The following ABHD12 variants were observed in gnomAD, a reference collection of about 807,000 sequenced individuals.
ABHD12 encodes abhydrolase domain containing 12, lysophospholipase, also known as lysophosphatidylserine lipase ABHD12.
In ABHD12, 43 loss-of-function variants were observed where a neutral mutation model predicts 58.3. The ratio of observed to expected loss-of-function variants is 0.74; its 90% CI spans 0.58 to 0.95. The LOEUF (loss-of-function observed/expected upper bound fraction) is 0.95, where lower values mean the gene tolerates loss of function less well. Among genes scored for constraint, ABHD12 ranks in the 40% least tolerant of loss-of-function variants. ABHD12 has a pLI of 0.00. For missense variants in ABHD12, 539 were observed against 537.2 expected (o/e 1.00, Z -0.03); for synonymous variants, 219 against 211.2 (o/e 1.04, Z -0.32).
In ABHD12 at chr20:25,390,755, G is replaced by A; in HGVS notation, c.-52C>T. 2.1e-6 allele frequency: 1 copy of A among 479,132 alleles called. No individual in the cohort carries two copies. The highest frequency in any genetic ancestry group is 2.9e-6 in the Non-Finnish European group (1 of 342,726). 29.7% of individuals were successfully genotyped at this position (479,132 alleles called of 1,614,324 possible). A position where few individuals can be genotyped will look rare whatever the true frequency, so the allele number is the denominator to read the frequency against. On this transcript the variant is annotated 5_prime_UTR_variant, in exon 1 of 13. Transcript: ENST00000339157. Reference sequence around the variant, plus strand: ...ACGGCGCCCGCTGGCCTGCGCCGCAGTGCCGCCGCTCACAGCCGCCGCCAC... The same window carrying A: ...ACGGCGCCCGCTGGCCTGCGCCGCAATGCCGCCGCTCACAGCCGCCGCCAC...
chr20:25,312,595 C>T (rs1457474396), intron 6 of ABHD12, among the ~76,000 whole-genome samples: 5 of 152,208 alleles, frequency 3.3e-5, no homozygotes, highest in Admixed American at 2.0e-4. Context: ...TCTGCCCGGC[C>T]GCCACCCCGT....
chr20:25,321,554 A>T (rs1315367932), intron 3 of ABHD12, among the ~76,000 whole-genome samples: 1 of 152,274 alleles, frequency 6.6e-6, no homozygotes, highest in Non-Finnish European at 1.5e-5. Context: ...ACCCACCAAC[A>T]CACAGCAACA....
At position 25,307,949 on chromosome 20, in the gene ABHD12, A is replaced by C; in HGVS notation, c.867+17T>G. On this transcript the variant is annotated intron_variant, in intron 9 of 12. Transcript: ENST00000339157. ...CTTAATAATGAAAAGTTAATTTTTA[A>C]TAAAATCTGTACTTGCCACTGAAAA... 6.9e-7 allele frequency: 1 copy of C among 1,454,040 alleles called. No individual in the cohort carries two copies. The highest frequency in any genetic ancestry group is 1.2e-5 in the South Asian group (1 of 84,538). 90.1% of individuals were successfully genotyped at this position (1,454,040 alleles called of 1,614,324 possible).
At chr20:25,350,858 G>C (rs1049466633) in intron 1 of ABHD12, among the ~76,000 whole-genome samples, 3 of 151,890 alleles carry the variant, frequency 2.0e-5, no homozygotes, top group Non-Finnish European at 4.4e-5. Context: ...CTCCTGCTCT[G>C]GGAAGATCTC....
At chr20:25,363,870 AAAC>A (rs2146092575) in intron 1 of ABHD12, among the ~76,000 whole-genome samples, 1 of 152,344 alleles carries the variant, frequency 6.6e-6, no homozygotes, top group Admixed American at 6.5e-5. Flanking sequence ...TGTCTCAAAA[AAAC>A]AACAAAAAAA....
intron 3 of ABHD12, among the ~76,000 whole-genome samples, chr20:25,322,552 G>GT (rs1409160934): frequency 6.7e-6 from 1 of 149,914 alleles, no homozygotes; most frequent in Non-Finnish European, 1.5e-5. Context: ...GCTAATTTTT[G>GT]TATTTTTTTT....
chr20:25,309,575 C>T lies in ABHD12; in HGVS notation c.620G>A (p.Gly207Asp). The T allele has an allele frequency of 6.2e-7, 1 of 1,614,100 alleles. No homozygotes were observed. The highest frequency in any genetic ancestry group is 8.5e-7 in the Non-Finnish European group (1 of 1,179,980). The change falls in exon 7 of 13, where the codon GGT (glycine) becomes GAT (aspartate). Residue 207 changes from glycine to aspartate, a missense_variant and splice_region_variant. By Grantham distance (94) the Gly-to-Asp change is moderately conservative (BLOSUM62 -1). Transcript: ENST00000339157. Reference protein sequence around the residue: ...GYHVVTFDYRGWGDSVGTPSE... With the variant: ...GYHVVTFDYRDWGDSVGTPSE... Reference sequence around the variant, plus strand: ...TGGCGTTCCCACTGAGTCACCCCAACCTGGGAGGGAGAAACGGCAGGACGG... The same window carrying T: ...TGGCGTTCCCACTGAGTCACCCCAATCTGGGAGGGAGAAACGGCAGGACGG...
At chr20:25,347,904 T>C in intron 1 of ABHD12, among the ~76,000 whole-genome samples, 1 of 148,008 alleles carries the variant, frequency 6.8e-6, no homozygotes, top group Non-Finnish European at 1.5e-5. Flanking sequence ...GCTGTGGGTT[T>C]AGAAAAAAAA....
intron 2 of ABHD12, among the ~76,000 whole-genome samples, chr20:25,338,206 G>T (rs1160475701): frequency 6.6e-6 from 1 of 152,106 alleles, no homozygotes; most frequent in African/African-American, 2.4e-5. Flanking sequence ...GTTCCTCTGC[G>T]GCCTCCTCCT....
intron 9 of ABHD12, among the ~76,000 whole-genome samples, chr20:25,307,279 G>A (rs1345156918): frequency 6.6e-6 from 1 of 152,218 alleles, no homozygotes. Context: ...GGGGTCTATG[G>A]ACAGTTTCCT....
At chr20:25,390,422 G>A (rs1368603425) in intron 1 of ABHD12, 91 bp downstream of exon 1, 15 of 1,270,334 alleles carry the variant, frequency 1.2e-5, no homozygotes, top group Middle Eastern at 2.9e-4. Flanking sequence ...CTCTGGGAGG[G>A]GCTGGGAGGT....
intron 1 of ABHD12, among the ~76,000 whole-genome samples, chr20:25,367,469 A>C (rs1352709305): frequency 1.3e-5 from 2 of 152,214 alleles, no homozygotes; most frequent in Non-Finnish European, 2.9e-5. Context: ...CAGTGGTAAT[A>C]TGTTCATATG....
intron 1 of ABHD12, among the ~76,000 whole-genome samples, chr20:25,341,381 G>C (rs2089452226): frequency 6.6e-6 from 1 of 152,222 alleles, no homozygotes; most frequent in Admixed American, 6.5e-5. Flanking sequence ...GGGGAAAACA[G>C]TTTAAAATGT....
downstream of ABHD12, chr20:25,297,705 A>C (rs1375716907): frequency 1.3e-5 from 2 of 152,290 alleles, no homozygotes; most frequent in Non-Finnish European, 2.9e-5. Context: ...TTGCCGAGAA[A>C]TCTAGCACCT....
chr20:25,297,194 A>G, downstream of ABHD12: 1 of 152,620 alleles, frequency 6.6e-6, no homozygotes, highest in Non-Finnish European at 1.5e-5. Flanking sequence ...ACTGAGGGGG[A>G]CACTGGAGTG....
intron 2 of ABHD12, among the ~76,000 whole-genome samples, chr20:25,338,228 C>T (rs1438455361): frequency 6.6e-6 from 1 of 152,128 alleles, no homozygotes; most frequent in Admixed American, 6.5e-5. Flanking sequence ...TCCTCCTCCT[C>T]CCACTCCACC....
At chr20:25,318,991 C>T (rs115922779) in intron 4 of ABHD12, among the ~76,000 whole-genome samples, 3,733 of 152,278 alleles carry the variant, frequency 0.025, 149 homozygotes, top group African/African-American at 0.084. Flanking sequence ...TCCAGAAGGG[C>T]CCAGCACAGC....
Position 25,339,207 on chromosome 20 carries a change from A to T in ABHD12, c.316+20T>A. On this transcript the variant is annotated intron_variant, in intron 2 of 12. Coordinates refer to ENST00000339157, the MANE Select transcript of ABHD12 (RefSeq NM_001042472.3). ...GAACCCTTACTAAAATTAAAGGAAA[A>T]ATGGACACATACCACTTACCGAAAT... is the stretch of plus-strand genomic sequence containing the variant. 1 of 1,614,048 alleles carries T rather than the reference A, an allele frequency of 6.2e-7. No individual in the cohort carries two copies. The highest frequency in any genetic ancestry group is 1.1e-5 in the South Asian group (1 of 91,052).
chr20:25,296,615 G>C, downstream of ABHD12: 1 of 1,465,110 alleles, frequency 6.8e-7, no homozygotes, highest in South Asian at 1.3e-5. Context: ...GCCACTGGTG[G>C]TCCCTGCTTT....
Sources: allele counts gnomAD v4.1 joint callset (sites outside exome capture counted in the v4.1 genomes callset), GRCh38; gene constraint gnomAD v4.1.1; transcripts MANE v1.5; gene names NCBI Gene and HGNC (gene_info 2026-07-23, HGNC 2026-07-21).